RBFOX1: variants seen among roughly 807,000 people sequenced by gnomAD.
The protein encoded by RBFOX1 is RNA binding fox-1 homolog 1.
A neutral mutation model predicts 57.7 loss-of-function variants in RBFOX1; 8 were observed. That is an observed-to-expected ratio of 0.14 (90% CI 0.08 to 0.25). The LOEUF is 0.25. Ranked by LOEUF, RBFOX1 falls within the 10% of genes least tolerant of loss-of-function variation. The pLI, the probability that RBFOX1 is intolerant of heterozygous loss-of-function variation, is 1.00. For synonymous variants in RBFOX1, 326 were observed against 222.4 expected, an observed-to-expected ratio of 1.47 and a Z score of -4.15; for missense variants, 611 against 548.5, an observed-to-expected ratio of 1.11 and a Z score of -1.14.
chr16:6,960,499 G>T (rs949879750), intron 3 of RBFOX1, among the ~76,000 whole-genome samples: 5 of 152,070 alleles, frequency 3.3e-5, no homozygotes, highest in African/African-American at 1.2e-4. Flanking sequence ...AGAATAAGCA[G>T]CCTGACCCTC....
intron 1 of RBFOX1, among the ~76,000 whole-genome samples, chr16:5,337,300 G>A (rs1190631445): frequency 6.6e-6 from 1 of 152,214 alleles, no homozygotes; most frequent in East Asian, 1.9e-4. Context: ...TTGTAAAAGT[G>A]TACAGGTGAG....
chr16:7,371,074 A>T (rs915287453), intron 4 of RBFOX1, among the ~76,000 whole-genome samples: 4 of 152,168 alleles, frequency 2.6e-5, no homozygotes, highest in Admixed American at 1.3e-4. Flanking sequence ...AAGCACCTTT[A>T]GTTTTACGCA....
chr16:7,197,998 C>CTTTCTTTCTTTCTT (rs61556349), intron 4 of RBFOX1, among the ~76,000 whole-genome samples: 4 of 55,590 alleles, frequency 7.2e-5, no homozygotes, highest in African/African-American at 1.5e-4. Context: ...TTCTTTCTTT[C>CTTTCTTTCTTTCTT]TTTTTTTTTT....
intron 4 of RBFOX1, among the ~76,000 whole-genome samples, chr16:7,309,834 C>T (rs1296912926): frequency 3.3e-5 from 5 of 152,162 alleles, no homozygotes; most frequent in African/African-American, 1.2e-4. Flanking sequence ...ACATGTCATC[C>T]CGTGAAGGAA....
At chr16:5,709,809 T>TATATATATA (rs1555506306) in intron 3 of RBFOX1, among the ~76,000 whole-genome samples, 7 of 14,462 alleles carry the variant, frequency 4.8e-4, no homozygotes, top group African/African-American at 2.2e-3. Context: ...ATCAGTTTCT[T>TATATATATA]TATATATATA....
At chr16:6,578,290 G>A (rs2097475421) in intron 2 of RBFOX1, among the ~76,000 whole-genome samples, 1 of 152,096 alleles carries the variant, frequency 6.6e-6, no homozygotes, top group African/African-American at 2.4e-5. Flanking sequence ...GGCCTAAAAT[G>A]GATCATCATG....
At chr16:6,165,276 A>G (rs1396121508) in intron 1 of RBFOX1, among the ~76,000 whole-genome samples, 1 of 152,178 alleles carries the variant, frequency 6.6e-6, no homozygotes, top group Non-Finnish European at 1.5e-5. Context: ...GCTCATTATC[A>G]TTATTGTTTT....
chr16:6,703,601 G>A (rs2062199197), intron 3 of RBFOX1, among the ~76,000 whole-genome samples: 4 of 152,086 alleles, frequency 2.6e-5, no homozygotes, highest in Admixed American at 2.6e-4. Context: ...TTCTGACTTG[G>A]GAGGCTGAGG....
At position 7,034,668 on chromosome 16, in the gene RBFOX1, T is replaced by C. The variant is rs112676726; in HGVS notation, c.-15-17389T>C. Among the ~76,000 whole-genome samples the C allele has an allele frequency of 8.8e-4, 133 of 151,660 alleles. 1 individual carries two copies. In the East Asian group the frequency reaches 0.022, roughly 25 times the overall value. On this transcript the variant is annotated intron_variant, in intron 3 of 15. Transcript: ENST00000550418. ...TGAGGCTAGCAGAGGGCCCTCTTTA[T>C]TGGGGAGCAGAACAGGAGACATTCG...
At chr16:5,620,312 C>G (rs546241703) in intron 3 of RBFOX1, among the ~76,000 whole-genome samples, 3 of 152,148 alleles carry the variant, frequency 2.0e-5, no homozygotes, top group African/African-American at 4.8e-5. Flanking sequence ...CCCACATTGC[C>G]GCATCTCTAC....
intron 4 of RBFOX1, among the ~76,000 whole-genome samples, chr16:7,325,130 G>A (rs375734973): frequency 4.6e-5 from 7 of 152,144 alleles, no homozygotes; most frequent in Non-Finnish European, 7.3e-5. Flanking sequence ...CCTCCAACCA[G>A]CTGCTAATTC....
intron 3 of RBFOX1, among the ~76,000 whole-genome samples, chr16:5,610,860 C>G (rs1014942908): frequency 2.0e-5 from 3 of 151,882 alleles, no homozygotes; most frequent in African/African-American, 7.3e-5. Context: ...AGAGCAAGAC[C>G]CTATCTGTCA....
intron 4 of RBFOX1, among the ~76,000 whole-genome samples, chr16:7,192,498 T>A (rs146693664): frequency 6.6e-6 from 1 of 152,164 alleles, no homozygotes; most frequent in African/African-American, 2.4e-5. Context: ...CACTCTTCAC[T>A]TTGAATAAAT....
At chr16:5,594,623 A>G (rs2047120349) in intron 2 of RBFOX1, among the ~76,000 whole-genome samples, 1 of 152,090 alleles carries the variant, frequency 6.6e-6, no homozygotes, top group South Asian at 2.1e-4. Context: ...AAAGAGACAA[A>G]TGGTTTCATT....
At chr16:5,907,062 C>G (rs11864897) in intron 4 of RBFOX1, among the ~76,000 whole-genome samples, 1,547 of 152,122 alleles carry the variant, frequency 0.01, 20 homozygotes, top group Middle Eastern at 0.031. Context: ...AAAACAGAAG[C>G]ATGACTCCTC....
At chr16:6,604,675 A>G (rs1273295381) in intron 2 of RBFOX1, among the ~76,000 whole-genome samples, 1 of 152,204 alleles carries the variant, frequency 6.6e-6, no homozygotes, top group East Asian at 1.9e-4. Context: ...TGCATATTGA[A>G]ACTTTTTATT....
chr16:6,842,714 T>A (rs1325473425), intron 3 of RBFOX1, among the ~76,000 whole-genome samples: 1 of 151,948 alleles, frequency 6.6e-6, no homozygotes, highest in African/African-American at 2.4e-5. Flanking sequence ...GCAGGTTTGT[T>A]ACATAGGTAT....
chr16:7,477,205 G>A (rs1174381586), intron 4 of RBFOX1, among the ~76,000 whole-genome samples: 1 of 152,120 alleles, frequency 6.6e-6, no homozygotes, highest in Admixed American at 6.5e-5. Context: ...CGGTATATCT[G>A]TCTCTTGGGT....
At chr16:6,706,384 G>A (rs754772098) in intron 3 of RBFOX1, among the ~76,000 whole-genome samples, 2 of 152,206 alleles carry the variant, frequency 1.3e-5, no homozygotes, top group African/African-American at 4.8e-5. Flanking sequence ...CCAATTAATA[G>A]GTGTCTCTTG....
Sources: allele counts gnomAD v4.1 joint callset (sites outside exome capture counted in the v4.1 genomes callset), GRCh38; gene constraint gnomAD v4.1.1; transcripts MANE v1.5; gene names NCBI Gene and HGNC (gene_info 2026-07-23, HGNC 2026-07-21).